DNAH11: variants seen among roughly 807,000 people sequenced by gnomAD.
DNAH11 encodes dynein axonemal heavy chain 11.
A neutral mutation model predicts 526.0 loss-of-function variants in DNAH11; 442 were observed. That is an observed-to-expected ratio of 0.84 (90% CI 0.78 to 0.91). The LOEUF (loss-of-function observed/expected upper bound fraction) is 0.91. Among genes scored for constraint, DNAH11 ranks in the 40% least tolerant of loss-of-function variants. DNAH11 has a pLI of 0.00. For missense variants in DNAH11, 6,989 were observed against 5,448.7 expected (o/e 1.28, Z -8.90); for synonymous variants, 2,461 against 1,935.9 (o/e 1.27, Z -7.12).
chr7:21,796,228 T>G (rs1438043040), intron 61 of DNAH11, among the ~76,000 whole-genome samples: 4 of 152,230 alleles, frequency 2.6e-5, no homozygotes, highest in African/African-American at 9.6e-5. Context: ...AGACAATGAT[T>G]AAGGCAAACG....
At position 21,576,309 on chromosome 7, in the gene DNAH11, G is replaced by A. The variant is rs185626121; in HGVS notation, c.1593+4336G>A. Among the ~76,000 whole-genome samples the A allele has an allele frequency of 3.9e-5, 6 of 152,268 alleles. No homozygotes were observed. The East Asian group carries it at 9.6e-4, about 24-fold the overall frequency. Reference sequence around the variant, plus strand: ...CCTGAAAGGCCTCAGCAAGCACGGCGGCCACAAACAACCCTTGAAAATGTC... The same window carrying A: ...CCTGAAAGGCCTCAGCAAGCACGGCAGCCACAAACAACCCTTGAAAATGTC... On this transcript the variant is annotated intron_variant, in intron 8 of 81. Coordinates refer to ENST00000409508, the MANE Select transcript of DNAH11 (RefSeq NM_001277115.2).
chr7:21,826,242 A>T (rs1447882307), intron 65 of DNAH11, among the ~76,000 whole-genome samples: 3 of 152,110 alleles, frequency 2.0e-5, no homozygotes, highest in Admixed American at 6.5e-5. Context: ...GATAAGAAGT[A>T]TCTTTAAAAC....
At chr7:21,724,395 C>T (rs147019837) in intron 44 of DNAH11, among the ~76,000 whole-genome samples, 229 of 152,294 alleles carry the variant, frequency 1.5e-3, no homozygotes, top group African/African-American at 5.3e-3. Context: ...TCCTTCTGCC[C>T]AGTTTATAGG....
rs958741692 is a variant in DNAH11, at chr7:21,851,857, C to T, written c.10897-610C>T. 2.0e-5 allele frequency among the ~76,000 whole-genome samples: 3 copies of T among 152,108 alleles called. No individual in the cohort carries two copies. In the East Asian group the frequency reaches 5.8e-4, roughly 29 times the overall value. On this transcript the variant is annotated intron_variant, in intron 66 of 81. Transcript: ENST00000409508. Reference sequence around the variant, plus strand: ...TATTTTGAGAACGGAAATGAGACTTCTAAGCCTTTATATGTCTGAGCAGAA... The same window carrying T: ...TATTTTGAGAACGGAAATGAGACTTTTAAGCCTTTATATGTCTGAGCAGAA...
Position 21,765,610 on chromosome 7 carries a change from T to TCACACACA in DNAH11, c.9102+63_9102+70dup, listed in dbSNP as rs3219983. The TCACACACA allele has an allele frequency of 9.6e-3, 9,163 of 955,096 alleles. 166 individuals carry two copies. Among genetic ancestry groups the TCACACACA allele is most frequent in the Admixed American group, 0.026 (961 of 36,328 alleles). The allele number at this position is 955,096 out of a possible 1,614,324, so 59.2% of individuals were successfully genotyped here. On this transcript the variant is annotated intron_variant, in intron 55 of 81. Coordinates refer to ENST00000409508, the MANE Select transcript of DNAH11 (RefSeq NM_001277115.2). The stretch of plus-strand genomic sequence containing the variant: ...TTGAGGTATGCCGTGTCAGCCTGCG[T>TCACACACA]CACACACACACACACACACACACAC...
chr7:21,594,402 C>G (rs1784796888), intron 14 of DNAH11, among the ~76,000 whole-genome samples: 1 of 152,140 alleles, frequency 6.6e-6, no homozygotes, highest in Non-Finnish European at 1.5e-5. Flanking sequence ...GAGAGCAGAG[C>G]AGACAAAGTT....
intron 31 of DNAH11, among the ~76,000 whole-genome samples, chr7:21,683,109 C>T (rs1244119711): frequency 1.3e-5 from 2 of 152,044 alleles, no homozygotes; most frequent in Non-Finnish European, 2.9e-5. Flanking sequence ...TTGTCTAATA[C>T]CCAACCATCT....
At chr7:21,543,912 T>C in intron 1 of DNAH11, 2 of 378,018 alleles carry the variant, frequency 5.3e-6, no homozygotes, top group Non-Finnish European at 9.4e-6. Context: ...AGGTGGGCTT[T>C]CTGTGCCAAA....
In DNAH11 at chr7:21,559,799, A is replaced by G. The variant is rs533700730; in HGVS notation, c.882+7A>G. ...GTCATGCATTTATGATCAAGTAAGT[A>G]GATAGCCCTAGAAATTATAAATTAA... is the stretch of plus-strand genomic sequence containing the variant. On this transcript the variant is annotated splice_region_variant and intron_variant, in intron 4 of 81. Coordinates refer to ENST00000409508, the MANE Select transcript of DNAH11 (RefSeq NM_001277115.2). The G allele has an allele frequency of 1.2e-4, 195 of 1,580,402 alleles. 3 individuals are homozygous for G. In the South Asian group the frequency reaches 1.6e-3, roughly 13 times the overall value.
At chr7:21,568,893 C>T (rs1163147955) in intron 6 of DNAH11, among the ~76,000 whole-genome samples, 2 of 152,122 alleles carry the variant, frequency 1.3e-5, no homozygotes, top group Non-Finnish European at 2.9e-5. Flanking sequence ...ATCAAAGTGT[C>T]AACTCTTTTA....
intron 14 of DNAH11, among the ~76,000 whole-genome samples, chr7:21,596,058 A>G (rs903143821): frequency 2.0e-5 from 3 of 152,232 alleles, no homozygotes; most frequent in South Asian, 2.1e-4. Context: ...AAAAAGAAGT[A>G]CATAATTAAC....
intron 62 of DNAH11, among the ~76,000 whole-genome samples, chr7:21,801,945 C>T (rs1044489735): frequency 2.0e-4 from 31 of 152,142 alleles, no homozygotes; most frequent in Admixed American, 1.4e-3. Flanking sequence ...GAGGAACATA[C>T]GTTCTTTGAT....
chr7:21,901,375 T>A lies in DNAH11; in HGVS notation c.*121T>A, dbSNP rs1784833523. 7.5e-7 allele frequency: 1 copy of A among 1,324,990 alleles called. No homozygotes were observed. Among genetic ancestry groups the A allele is most frequent in the South Asian group, 2.2e-5 (1 of 45,948 alleles). The allele number at this position is 1,324,990 out of a possible 1,614,324, so 82.1% of individuals were successfully genotyped here. A position where few individuals can be genotyped will look rare whatever the true frequency, so the allele number is the denominator to read the frequency against. ...AGTAACTCACACGTGCATTCTTTTT[T>A]CAACGCTATCCTTAGAGTGAAAGTC... On this transcript the variant is annotated 3_prime_UTR_variant, in exon 82 of 82. Coordinates refer to ENST00000409508, the MANE Select transcript of DNAH11 (RefSeq NM_001277115.2).
At chr7:21,854,151 A>G (rs970072450) in intron 67 of DNAH11, among the ~76,000 whole-genome samples, 164 bp from the exon 68 acceptor site, 2 of 152,236 alleles carry the variant, frequency 1.3e-5, no homozygotes, top group Non-Finnish European at 2.9e-5. Flanking sequence ...ATTTTAAAAT[A>G]TGAATGTAAT....
At chr7:21,841,633 G>A (rs1047163823) in intron 65 of DNAH11, among the ~76,000 whole-genome samples, 24 of 152,158 alleles carry the variant, frequency 1.6e-4, no homozygotes, top group African/African-American at 5.6e-4. Flanking sequence ...TCCCTGCCAT[G>A]GGATGACATC....
rs181554982 is a variant in DNAH11, at chr7:21,855,664, C to T, written c.11202+1209C>T. On this transcript the variant is annotated intron_variant, in intron 68 of 81. Transcript: ENST00000409508. ...AAAGCCCACGCTCCATACCTTGTACCATGCTGCTGCCTGCTGGGCAGTGCT... is the reference window on the plus strand; with the variant it reads ...AAAGCCCACGCTCCATACCTTGTACTATGCTGCTGCCTGCTGGGCAGTGCT... Among the ~76,000 whole-genome samples the T allele has an allele frequency of 4.3e-3, 653 of 152,266 alleles. 8 individuals carry two copies. Among genetic ancestry groups the T allele is most frequent in the African/African-American group, 0.015 (615 of 41,546 alleles).
chr7:21,901,299 A>C lies in DNAH11; in HGVS notation c.*45A>C. 2 of 1,550,366 alleles carry C rather than the reference A, an allele frequency of 1.3e-6. No homozygotes were observed. Among genetic ancestry groups the C allele is most frequent in the Non-Finnish European group, 1.7e-6 (2 of 1,149,492 alleles). On this transcript the variant is annotated 3_prime_UTR_variant, in exon 82 of 82. Coordinates refer to ENST00000409508, the MANE Select transcript of DNAH11 (RefSeq NM_001277115.2). Reference sequence around the variant, plus strand: ...TAGCCTCTGCTGGAGTGCAGTGAGGATTTTCTAGCATGTTGCTGCACTGTT... The same window carrying C: ...TAGCCTCTGCTGGAGTGCAGTGAGGCTTTTCTAGCATGTTGCTGCACTGTT...
Position 21,810,470 on chromosome 7 carries a change from T to C in DNAH11, c.10332+2421T>C, listed in dbSNP as rs74903051. 1.1e-3 allele frequency among the ~76,000 whole-genome samples: 160 copies of C among 152,282 alleles called. 4 individuals carry two copies. The East Asian group carries it at 0.024, about 23-fold the overall frequency. Reference sequence around the variant, plus strand: ...TCACACCTGCTGGTCTCCGTTACTTTAGGGAAGTAGGAAAATGCAGTGCAA... The same window carrying C: ...TCACACCTGCTGGTCTCCGTTACTTCAGGGAAGTAGGAAAATGCAGTGCAA... On this transcript the variant is annotated intron_variant, in intron 63 of 81. Transcript: ENST00000409508.
rs1784873439 is a variant in DNAH11 at position 21,901,723 on chromosome 7, A to C, written c.*469A>C. 1.3e-5 allele frequency: 2 copies of C among 155,782 alleles called. No individual in the cohort carries two copies. The highest frequency in any genetic ancestry group is 1.3e-4 in the Admixed American group (2 of 15,776). 9.6% of individuals were successfully genotyped at this position (155,782 alleles called of 1,614,324 possible). On this transcript the variant is annotated 3_prime_UTR_variant, in exon 82 of 82. Coordinates refer to ENST00000409508, the MANE Select transcript of DNAH11 (RefSeq NM_001277115.2). ...ATATAAAAGCAGCAGGCCCCAGGTG[A>C]GTCCTGAAGGAAGAGGCTAGCACTC...
Sources: gnomAD v4.1 joint callset for allele counts (sites outside exome capture counted in the v4.1 genomes callset) on GRCh38, gnomAD v4.1.1 for gene constraint, MANE v1.5 for transcripts, NCBI Gene and HGNC (gene_info 2026-07-23, HGNC 2026-07-21) for gene names.